RFTN1: variants seen among roughly 807,000 people sequenced by gnomAD.
RFTN1 encodes raftlin.
RFTN1 carries 26 observed loss-of-function variants against 46.5 expected under a neutral mutation model. The observed-to-expected ratio is 0.56, with a 90% CI of 0.41 to 0.78. RFTN1 has a LOEUF of 0.78. RFTN1 is among the 30% of genes least tolerant of loss of function. The pLI is 0.00. For synonymous variants in RFTN1, 261 were observed against 284.2 expected, an observed-to-expected ratio of 0.92 and a Z score of 0.82; for missense variants, 693 against 718.7, an observed-to-expected ratio of 0.96 and a Z score of 0.41.
In RFTN1 at chr3:16,337,123, A is replaced by G. The variant is rs928897439; in HGVS notation, c.1147-10247T>C. The G allele has an allele frequency of 1.3e-5, 2 of 152,270 alleles. No homozygotes were observed. Among genetic ancestry groups the G allele is most frequent in the Non-Finnish European group, 2.9e-5 (2 of 68,084 alleles). The allele number at this position is 152,270 out of a possible 1,614,324, so 9.4% of individuals were successfully genotyped here. Reference sequence around the variant, plus strand: ...TGCTCACTCTCCAGGAACCCTGCCTACGCCATGAGGACAGGCCCAGGCTAG... The same window carrying G: ...TGCTCACTCTCCAGGAACCCTGCCTGCGCCATGAGGACAGGCCCAGGCTAG... On this transcript the variant is annotated intron_variant, in intron 7 of 9. Coordinates refer to ENST00000334133, the MANE Select transcript of RFTN1 (RefSeq NM_015150.2). This position sits in a 1 kb window ranked among gnomAD's most constrained non-coding sequence, Gnocchi z 5.0.
intron 3 of RFTN1, among the ~76,000 whole-genome samples, chr3:16,420,047 T>C (rs1575263049): frequency 6.6e-6 from 1 of 152,252 alleles, no homozygotes; most frequent in Non-Finnish European, 1.5e-5. Flanking sequence ...GAAATCATCC[T>C]GTCTTGCTGC....
chr3:16,323,092 A>T (rs1490771734), intron 9 of RFTN1, among the ~76,000 whole-genome samples: 1 of 152,072 alleles, frequency 6.6e-6, no homozygotes, highest in Non-Finnish European at 1.5e-5. Context: ...CCTTCTTTTC[A>T]TCCTAGTGGG....
At chr3:16,404,523 C>G (rs13062235) in intron 4 of RFTN1, among the ~76,000 whole-genome samples, 1 of 148,712 alleles carries the variant, frequency 6.7e-6, no homozygotes, top group African/African-American at 2.5e-5. Context: ...CACTAGAGCT[C>G]GCCAGACTAA....
chr3:16,355,258 A>C (rs910931378), intron 7 of RFTN1, among the ~76,000 whole-genome samples: 3 of 152,240 alleles, frequency 2.0e-5, no homozygotes, highest in Non-Finnish European at 2.9e-5. Flanking sequence ...TTATAGCAAC[A>C]ACCCCACTTC....
intron 1 of RFTN1, among the ~76,000 whole-genome samples, chr3:16,502,507 T>C (rs1053009092): frequency 3.3e-5 from 5 of 152,110 alleles, no homozygotes; most frequent in Admixed American, 3.3e-4. Context: ...CCTCCCACAG[T>C]GAATAGGGCT....
At chr3:16,487,748 C>T (rs1020309854) in intron 2 of RFTN1, among the ~76,000 whole-genome samples, 3 of 152,172 alleles carry the variant, frequency 2.0e-5, no homozygotes, top group African/African-American at 7.2e-5. Flanking sequence ...ACATAGGTAG[C>T]TTTCAAGTGG....
rs2075022407 is a variant in RFTN1, at chr3:16,413,959, G to A, written c.333-4476C>T. On this transcript the variant is annotated intron_variant, in intron 3 of 9. Transcript: ENST00000334133. The surrounding 1 kb of genome is among the most constrained non-coding windows in gnomAD (Gnocchi z 4.7). Reference sequence around the variant, plus strand: ...TACGGAGCTACCTCTTAACATTGCTGTAAGGATTAAATAGGACAAAAAGAA... The same window carrying A: ...TACGGAGCTACCTCTTAACATTGCTATAAGGATTAAATAGGACAAAAAGAA... Among the ~76,000 whole-genome samples the A allele has an allele frequency of 6.6e-6, 1 of 152,162 alleles. No individual in the cohort carries two copies. The highest frequency in any genetic ancestry group is 1.5e-5 in the Non-Finnish European group (1 of 68,036).
chr3:16,369,838 C>G (rs1201686979), intron 6 of RFTN1, among the ~76,000 whole-genome samples: 1 of 152,180 alleles, frequency 6.6e-6, no homozygotes, highest in Non-Finnish European at 1.5e-5. Flanking sequence ...AATAGAATCA[C>G]TCCACTTTCT....
In RFTN1 at chr3:16,422,458, G is replaced by A. The variant is rs993468855; in HGVS notation, c.332+11393C>T. Among the ~76,000 whole-genome samples, 8 of 151,324 alleles carry A rather than the reference G, an allele frequency of 5.3e-5. No homozygotes were observed. The highest frequency in any genetic ancestry group is 2.1e-4 in the South Asian group (1 of 4,768). ...ATCCTGGCCAACATGGTGAAACCCC[G>A]TTTCTACTAAAAATACAAAAAAATT... On this transcript the variant is annotated intron_variant, in intron 3 of 9. Coordinates refer to ENST00000334133, the MANE Select transcript of RFTN1 (RefSeq NM_015150.2). This position sits in a 1 kb window ranked among gnomAD's most constrained non-coding sequence, Gnocchi z 4.6.
intron 4 of RFTN1, 150 bp downstream of exon 4, chr3:16,409,224 GC>G: frequency 1.8e-6 from 1 of 555,936 alleles, no homozygotes; most frequent in Non-Finnish European, 3.3e-6. Context: ...TCTGGAGGGG[GC>G]TGCTTCCCTG....
chr3:16,441,438 A>G (rs1424305223), intron 2 of RFTN1, among the ~76,000 whole-genome samples: 2 of 152,180 alleles, frequency 1.3e-5, no homozygotes, highest in African/African-American at 4.8e-5. Context: ...TTTAGCAAAA[A>G]CATTCCACAG....
rs1386296580 is a variant in RFTN1, at chr3:16,336,647, A to G, written c.1147-9771T>C. On this transcript the variant is annotated intron_variant, in intron 7 of 9. Transcript: ENST00000334133. This position sits in a 1 kb window ranked among gnomAD's most constrained non-coding sequence, Gnocchi z 6.0. Reference sequence around the variant, plus strand: ...ATTTTAGACAACTTAGGCTTTCATAATGTTCAAAGAGAATAATTTTTTTTT... The same window carrying G: ...ATTTTAGACAACTTAGGCTTTCATAGTGTTCAAAGAGAATAATTTTTTTTT... Among the ~76,000 whole-genome samples the G allele has an allele frequency of 6.6e-6, 1 of 152,202 alleles. No individual in the cohort carries two copies. Among genetic ancestry groups the G allele is most frequent in the Non-Finnish European group, 1.5e-5 (1 of 68,024 alleles).
At chr3:16,323,607 C>T in intron 8 of RFTN1, 150 bp from the exon 9 acceptor site, 1 of 570,084 alleles carries the variant, frequency 1.8e-6, no homozygotes, top group Non-Finnish European at 3.1e-6. Context: ...TCTTCCGCTC[C>T]CAGGCCATCC....
rs2071549552 is a variant in RFTN1, at chr3:16,345,037, G to A, written c.1146+12895C>T. 6.6e-6 allele frequency: 1 copy of A among 152,226 alleles called. No individual in the cohort carries two copies. Among genetic ancestry groups the A allele is most frequent in the Admixed American group, 6.5e-5 (1 of 15,282 alleles). 9.4% of individuals were successfully genotyped at this position (152,226 alleles called of 1,614,324 possible). A position where few individuals can be genotyped will look rare whatever the true frequency, so the allele number is the denominator to read the frequency against. On this transcript the variant is annotated intron_variant, in intron 7 of 9. Coordinates refer to ENST00000334133, the MANE Select transcript of RFTN1 (RefSeq NM_015150.2). The surrounding 1 kb of genome is among the most constrained non-coding windows in gnomAD (Gnocchi z 5.2). ...GGGCAGCCCCCAGGAGCAAGGACCA[G>A]CTCCTGGATAACTGCCTGCAAGAAA...
chr3:16,510,046 G>T (rs942567579), intron 1 of RFTN1, among the ~76,000 whole-genome samples: 14 of 152,152 alleles, frequency 9.2e-5, no homozygotes, highest in African/African-American at 3.4e-4. Context: ...CCACAGAGAG[G>T]GACTAAGTTA....
rs1245107154 is a variant in RFTN1, at chr3:16,504,384, T to C, written c.-9+9058A>G. Among the ~76,000 whole-genome samples the C allele has an allele frequency of 6.6e-6, 1 of 152,210 alleles. No individual in the cohort carries two copies. On this transcript the variant is annotated intron_variant, in intron 1 of 9. Coordinates refer to ENST00000334133, the MANE Select transcript of RFTN1 (RefSeq NM_015150.2). This position sits in a 1 kb window ranked among gnomAD's most constrained non-coding sequence, Gnocchi z 4.4. Reference sequence around the variant, plus strand: ...ACCCTCATTTTCAGTTCCACACTGATTTTCTTAGCAACTACCCAAAATGTA... The same window carrying C: ...ACCCTCATTTTCAGTTCCACACTGACTTTCTTAGCAACTACCCAAAATGTA...
chr3:16,491,733 C>G (rs985629649), intron 2 of RFTN1, among the ~76,000 whole-genome samples: 1 of 150,568 alleles, frequency 6.6e-6, no homozygotes. Context: ...ATGAAAAACA[C>G]ATAACCACGA....
chr3:16,510,742 T>G (rs898880121), intron 1 of RFTN1, among the ~76,000 whole-genome samples: 1 of 152,192 alleles, frequency 6.6e-6, no homozygotes, highest in African/African-American at 2.4e-5. Context: ...TCCATATATC[T>G]CCTTTTTGAC....
At position 16,359,094 on chromosome 3, in the gene RFTN1, G is replaced by A. The variant is rs181555775; in HGVS notation, c.1031-1047C>T. ...TCCTTGACCCTATAGAATACACTAA[G>A]GGAAGCACCTTTTGCCCCTTTGTTT... On this transcript the variant is annotated intron_variant, in intron 6 of 9. Transcript: ENST00000334133. 7.7e-4 allele frequency among the ~76,000 whole-genome samples: 116 copies of A among 150,766 alleles called. 1 individual carries two copies. Among genetic ancestry groups the A allele is most frequent in the Admixed American group, 4.1e-3 (62 of 15,154 alleles).
Sources: allele counts gnomAD v4.1 joint callset (sites outside exome capture counted in the v4.1 genomes callset), GRCh38; gene constraint gnomAD v4.1.1; non-coding constraint Gnocchi (gnomAD v3.1); transcripts MANE v1.5; gene names NCBI Gene and HGNC (gene_info 2026-07-23, HGNC 2026-07-21).